GPLD1: variants seen among roughly 807,000 people sequenced by gnomAD.
The protein encoded by GPLD1 is glycosylphosphatidylinositol specific phospholipase D1, also known as phosphatidylinositol-glycan-specific phospholipase D.
GPLD1 carries 84 observed loss-of-function variants against 112.6 expected under a neutral mutation model. That is an observed-to-expected ratio of 0.75 (90% CI 0.63 to 0.89). The LOEUF (loss-of-function observed/expected upper bound fraction) is 0.89. Ranked by LOEUF, GPLD1 falls within the 40% of genes least tolerant of loss-of-function variation. GPLD1 has a pLI of 0.00. For synonymous variants in GPLD1, 386 were observed against 403.8 expected (o/e 0.96, Z 0.53); for missense variants, 1,044 against 1,051.5 (o/e 0.99, Z 0.10).
chr6:24,483,462 T>C (rs1409992253), intron 2 of GPLD1, among the ~76,000 whole-genome samples: 1 of 150,562 alleles, frequency 6.6e-6, no homozygotes. Context: ...GTGGATCACT[T>C]GAGGTCAGGA....
intron 14 of GPLD1, 101 bp downstream of exon 14, chr6:24,453,914 G>GTT (rs1470702071): frequency 2.6e-6 from 2 of 759,298 alleles, no homozygotes; most frequent in African/African-American, 3.5e-5. Context: ...GTTTGTTACT[G>GTT]TAATTATTCT....
chr6:24,436,469 A>G, intron 22 of GPLD1, 107 bp downstream of exon 22: 1 of 906,108 alleles, frequency 1.1e-6, no homozygotes, highest in East Asian at 2.4e-5. Flanking sequence ...TCCTGACCCT[A>G]GGAGGTATGA....
chr6:24,433,072 G>A (rs1310818737), intron 24 of GPLD1, 115 bp downstream of exon 24: 7 of 799,072 alleles, frequency 8.8e-6, no homozygotes, highest in African/African-American at 1.7e-5. Context: ...CTTTCTGTGT[G>A]TTCCTCTCCT....
intron 22 of GPLD1, among the ~76,000 whole-genome samples, chr6:24,436,112 C>T (rs963426011): frequency 1.3e-5 from 2 of 151,810 alleles, no homozygotes; most frequent in Admixed American, 6.6e-5. Context: ...AAAGATTAGC[C>T]GGGTGTGGTG....
In GPLD1 at chr6:24,479,552, C is replaced by T. The variant is rs1581784186; in HGVS notation, c.232+329G>A. 2.0e-5 allele frequency among the ~76,000 whole-genome samples: 3 copies of T among 152,284 alleles called. No individual in the cohort carries two copies. The East Asian group carries it at 5.8e-4, about 29-fold the overall frequency. ...TGGATAAGTGACTTTTTTAAGATCA[C>T]ATGCTAATATAGAAGGAACACAAAC... On this transcript the variant is annotated intron_variant, in intron 3 of 24. Transcript: ENST00000230036.
At chr6:24,457,611 G>A (rs559572825) in intron 12 of GPLD1, among the ~76,000 whole-genome samples, 155 of 152,142 alleles carry the variant, frequency 1.0e-3, no homozygotes, top group African/African-American at 3.3e-3. Context: ...GGCCAGGCGT[G>A]GTGGCTCACG....
intron 24 of GPLD1, among the ~76,000 whole-genome samples, chr6:24,430,712 CA>C (rs1441651802): frequency 8.5e-5 from 13 of 152,080 alleles, no homozygotes; most frequent in African/African-American, 3.1e-4. Context: ...AACTTGTACC[CA>C]AATCTCAGAA....
intron 5 of GPLD1, among the ~76,000 whole-genome samples, chr6:24,474,123 T>C (rs1353297660): frequency 6.7e-6 from 1 of 149,092 alleles, no homozygotes; most frequent in Admixed American, 6.6e-5. Context: ...TGAAACTCCA[T>C]CTCAAAAACA....
At chr6:24,466,872 C>T in intron 9 of GPLD1, 40 bp downstream of exon 9, 2 of 1,596,178 alleles carry the variant, frequency 1.3e-6, no homozygotes, top group South Asian at 1.1e-5. Flanking sequence ...TTCCTGGTAT[C>T]TTTATAATCC....
intron 1 of GPLD1, among the ~76,000 whole-genome samples, chr6:24,488,212 CCTGG>C (rs1764440682): frequency 6.6e-6 from 1 of 151,996 alleles, no homozygotes; most frequent in African/African-American, 2.4e-5. Flanking sequence ...TCGAGATCAT[CCTGG>C]CTAACATGGT....
At chr6:24,436,498 T>G in intron 22 of GPLD1, 78 bp downstream of exon 22, 1 of 1,266,694 alleles carries the variant, frequency 7.9e-7, no homozygotes, top group East Asian at 2.3e-5. Context: ...AAGCACTTTA[T>G]AGTGGACATG....
At chr6:24,470,273 C>G (rs552117858) in intron 7 of GPLD1, among the ~76,000 whole-genome samples, 9 of 152,232 alleles carry the variant, frequency 5.9e-5, no homozygotes, top group Non-Finnish European at 1.0e-4. Context: ...CAGTATAACT[C>G]CAGTCACATC....
At chr6:24,450,053 C>G (rs1763032583) in intron 14 of GPLD1, among the ~76,000 whole-genome samples, 154 bp from the exon 15 acceptor site, 4 of 152,070 alleles carry the variant, frequency 2.6e-5, no homozygotes, top group African/African-American at 9.7e-5. Context: ...TGCAACACAT[C>G]AGTTAGGTAG....
chr6:24,492,878 T>C (rs1222138804), upstream of GPLD1, among the ~76,000 whole-genome samples: 1 of 152,160 alleles, frequency 6.6e-6, no homozygotes, highest in South Asian at 2.1e-4. Context: ...CAAAAATAAG[T>C]AAACAATAAA....
rs543281490 is a variant in GPLD1 at position 24,462,232 on chromosome 6, A to G, written c.887+498T>C. On this transcript the variant is annotated intron_variant, in intron 11 of 24. Coordinates refer to ENST00000230036, the MANE Select transcript of GPLD1 (RefSeq NM_001503.4). ...ACTGCAGCCTCGAACTCCTAGGCTC[A>G]AGCAATCCTCCCGCCTCAGCCTCCC... 2.8e-4 allele frequency among the ~76,000 whole-genome samples: 42 copies of G among 152,264 alleles called. No homozygotes were observed. In the South Asian group the frequency reaches 7.9e-3, roughly 29 times the overall value.
At position 24,427,827 on chromosome 6, in the gene GPLD1, C is replaced by CA. The variant is rs1184337638; in HGVS notation, c.*1204dup. 1.8e-5 allele frequency among the ~76,000 whole-genome samples: 2 copies of CA among 113,346 alleles called. No homozygotes were observed. The highest frequency in any genetic ancestry group is 3.3e-5 in the Non-Finnish European group (2 of 60,650). 74.4% of individuals were successfully genotyped at this position (113,346 alleles called of 152,430 possible). On this transcript the variant is annotated 3_prime_UTR_variant, in exon 25 of 25. Coordinates refer to ENST00000230036, the MANE Select transcript of GPLD1 (RefSeq NM_001503.4). ...CATCACTGCACTCCAGCCTGGGCAACAGAGCAAGACTCCGTCTCAAAAAAA... is the reference window on the plus strand; with the variant it reads ...CATCACTGCACTCCAGCCTGGGCAACAAGAGCAAGACTCCGTCTCAAAAAAA...
At chr6:24,477,445 G>A (rs1345399659) in intron 3 of GPLD1, among the ~76,000 whole-genome samples, 2 of 152,028 alleles carry the variant, frequency 1.3e-5, no homozygotes, top group Non-Finnish European at 2.9e-5. Context: ...TTTGCTGGGT[G>A]CAGTAGTGCA....
chr6:24,481,650 A>T (rs2817209), intron 2 of GPLD1, among the ~76,000 whole-genome samples: 1 of 151,678 alleles, frequency 6.6e-6, no homozygotes, highest in Non-Finnish European at 1.5e-5. Flanking sequence ...CACCTTCCCC[A>T]AGACTTCTCC....
intron 14 of GPLD1, among the ~76,000 whole-genome samples, chr6:24,453,707 T>TGTGTGTGTGA (rs1763170954): frequency 2.5e-5 from 2 of 81,122 alleles, no homozygotes; most frequent in African/African-American, 5.7e-5. Flanking sequence ...TTCGTGTGTG[T>TGTGTGTGTGA]GTGTGTGTGT....
Sources: gnomAD v4.1 joint callset for allele counts (sites outside exome capture counted in the v4.1 genomes callset) on GRCh38, gnomAD v4.1.1 for gene constraint, MANE v1.5 for transcripts, NCBI Gene and HGNC (gene_info 2026-07-23, HGNC 2026-07-21) for gene names.